HMGCL: variants seen among roughly 807,000 people sequenced by gnomAD.
HMGCL encodes the protein 3-hydroxy-3-methylglutaryl-CoA lyase.
HMGCL carries 26 observed loss-of-function variants against 37.3 expected under a neutral mutation model. That is an observed-to-expected ratio of 0.70 (90% CI 0.51 to 0.97). The LOEUF (loss-of-function observed/expected upper bound fraction) is 0.97, where lower values mean the gene tolerates loss of function less well. HMGCL is among the 50% of genes least tolerant of loss of function. The pLI, the probability that HMGCL is intolerant of heterozygous loss-of-function variation, is 0.00. For missense variants in HMGCL, 379 were observed against 398.1 expected (o/e 0.95, Z 0.41); for synonymous variants, 151 against 148.0 (o/e 1.02, Z -0.15).
chr1:23,804,390 G>T lies in HMGCL; in HGVS notation c.876+10C>A. On this transcript the variant is annotated intron_variant, in intron 8 of 8. Coordinates refer to ENST00000374490, the MANE Select transcript of HMGCL (RefSeq NM_000191.3). ...CGGGGCTGTCGCCACCAGGGGGTGG[G>T]TGGGCTTACCGTGTGAATGCCCAAG... The T allele has an allele frequency of 6.2e-7, 1 of 1,614,124 alleles. No individual in the cohort carries two copies. The highest frequency in any genetic ancestry group is 8.5e-7 in the Non-Finnish European group (1 of 1,180,028).
intron 6 of HMGCL, chr1:23,810,424 A>C (rs1255845589): frequency 5.0e-6 from 2 of 396,772 alleles, no homozygotes; most frequent in Non-Finnish European, 9.6e-6. Flanking sequence ...AATCACTACA[A>C]GGAACTATGG....
chr1:23,818,478 G>A (rs900982560), intron 2 of HMGCL, among the ~76,000 whole-genome samples: 2 of 151,986 alleles, frequency 1.3e-5, no homozygotes, highest in African/African-American at 4.8e-5. Context: ...AAATACTCCA[G>A]GTCCTTCTCG....
intron 1 of HMGCL, among the ~76,000 whole-genome samples, chr1:23,820,836 T>C (rs906115502): frequency 6.6e-6 from 1 of 152,348 alleles, no homozygotes; most frequent in South Asian, 2.1e-4. Context: ...CCAGACTCCT[T>C]TTCCACTGCC....
Position 23,806,710 on chromosome 1 carries a change from A to C in HMGCL, c.750+1425T>G, listed in dbSNP as rs1358818215. The C allele has an allele frequency of 2.9e-6, 1 of 349,950 alleles. No individual in the cohort carries two copies. Among genetic ancestry groups the C allele is most frequent in the Non-Finnish European group, 5.6e-6 (1 of 177,982 alleles). 21.7% of individuals were successfully genotyped at this position (349,950 alleles called of 1,614,324 possible). A position where few individuals can be genotyped will look rare whatever the true frequency, so the allele number is the denominator to read the frequency against. On this transcript the variant is annotated intron_variant, in intron 7 of 8. Coordinates refer to ENST00000374490, the MANE Select transcript of HMGCL (RefSeq NM_000191.3). This position sits in a 1 kb window ranked among gnomAD's most constrained non-coding sequence, Gnocchi z 4.0. The stretch of plus-strand genomic sequence containing the variant: ...TATTTATTATCTGTCTCATAGTACT[A>C]GAGTGTCAGCCTCATGAGGGCAGAG...
rs74062788 is a variant in HMGCL, at chr1:23,806,411, G to C, written c.750+1724C>G. On this transcript the variant is annotated intron_variant, in intron 7 of 8. Transcript: ENST00000374490. This position sits in a 1 kb window ranked among gnomAD's most constrained non-coding sequence, Gnocchi z 4.0. ...TGACATCTCTGCCCCCCTCTCCTCA[G>C]TCACACTGCTCCCGCCACATGCCTC... Among the ~76,000 whole-genome samples, 409 of 152,190 alleles carry C rather than the reference G, an allele frequency of 2.7e-3. 3 individuals carry two copies. Among genetic ancestry groups the C allele is most frequent in the African/African-American group, 9.1e-3 (378 of 41,508 alleles).
intron 1 of HMGCL, among the ~76,000 whole-genome samples, chr1:23,821,642 G>T (rs1638723355): frequency 6.6e-6 from 1 of 151,998 alleles, no homozygotes; most frequent in Non-Finnish European, 1.5e-5. Context: ...CTGGGCAACA[G>T]AGCGAGACCC....
intron 1 of HMGCL, among the ~76,000 whole-genome samples, chr1:23,820,901 A>G (rs554101090): frequency 6.6e-6 from 1 of 152,264 alleles, no homozygotes; most frequent in Admixed American, 6.5e-5. Context: ...ACAGAACTCT[A>G]ATTTCTCCTA....
intron 5 of HMGCL, chr1:23,813,816 C>A (rs1374606436): frequency 2.2e-5 from 7 of 315,564 alleles, no homozygotes; most frequent in Non-Finnish European, 3.7e-5. Context: ...CAGGACTCAA[C>A]TGACCTCCAC....
intron 2 of HMGCL, among the ~76,000 whole-genome samples, chr1:23,819,359 T>C (rs978243471): frequency 1.3e-5 from 2 of 152,208 alleles, no homozygotes; most frequent in African/African-American, 4.8e-5. Context: ...TCACAGAAAG[T>C]GCTGGTCTAG....
At chr1:23,812,886 G>A (rs1046516835) in intron 5 of HMGCL, among the ~76,000 whole-genome samples, 1 of 151,932 alleles carries the variant, frequency 6.6e-6, no homozygotes, top group African/African-American at 2.4e-5. Context: ...ACTTTTGTGG[G>A]GTTTTTTTGG....
intron 7 of HMGCL, among the ~76,000 whole-genome samples, chr1:23,805,947 C>CTT (rs34801023): frequency 6.8e-6 from 1 of 146,184 alleles, no homozygotes; most frequent in African/African-American, 2.5e-5. Context: ...AGAGGAGCCT[C>CTT]TTTTTTTTTT....
intron 7 of HMGCL, 106 bp from the exon 8 acceptor site, chr1:23,804,631 AT>A: frequency 8.0e-7 from 1 of 1,251,228 alleles, no homozygotes; most frequent in Middle Eastern, 1.9e-4. Context: ...TTCTAGAGTC[AT>A]TCTTTGCTTT....
chr1:23,809,958 G>C (rs1638489272), intron 6 of HMGCL: 1 of 153,198 alleles, frequency 6.5e-6, no homozygotes, highest in South Asian at 2.0e-4. Flanking sequence ...TAAAGTCCTA[G>C]TTCTGCTGTT....
chr1:23,810,330 G>A (rs1249526321), intron 6 of HMGCL: 1 of 250,716 alleles, frequency 4.0e-6, no homozygotes, highest in Non-Finnish European at 8.0e-6. Context: ...AAGTTCTTGG[G>A]CTGGTCAAAC....
chr1:23,814,167 G>A, intron 5 of HMGCL, 23 bp downstream of exon 5: 1 of 1,612,444 alleles, frequency 6.2e-7, no homozygotes, highest in Non-Finnish European at 8.5e-7. Context: ...CAGAGGAAAG[G>A]ATACCAATGT....
intron 7 of HMGCL, chr1:23,807,408 G>C: frequency 2.9e-6 from 1 of 350,778 alleles, no homozygotes. Flanking sequence ...GGATAATTGA[G>C]AGGAAAAAAA....
chr1:23,808,320 T>G lies in HMGCL; in HGVS notation c.565A>C (p.Thr189Pro), dbSNP rs1221071615. 6.2e-7 allele frequency: 1 copy of G among 1,613,842 alleles called. No homozygotes were observed. The highest frequency in any genetic ancestry group is 1.7e-5 in the Admixed American group (1 of 60,020). ...KISPAKVAEV[T>P]KKFYSMGCYE... ...CAGCCCATTGAGTAGAACTTCTTGGTGACCTAAGGAAGCAAGCAGGCACTT... is the reference window on the plus strand; with the variant it reads ...CAGCCCATTGAGTAGAACTTCTTGGGGACCTAAGGAAGCAAGCAGGCACTT... Residue 189 changes from threonine to proline, a missense_variant, in exon 7 of 9, where the codon ACC becomes CCC. Transcript: ENST00000374490.
intron 4 of HMGCL, among the ~76,000 whole-genome samples, chr1:23,815,123 C>G (rs1489474386): frequency 1.3e-5 from 2 of 152,062 alleles, no homozygotes; most frequent in African/African-American, 4.8e-5. Flanking sequence ...GGGAGAATCA[C>G]TTGAACCTGG....
At chr1:23,824,729 CTA>C (rs1446966979) in intron 1 of HMGCL, among the ~76,000 whole-genome samples, 2 of 152,200 alleles carry the variant, frequency 1.3e-5, no homozygotes, top group Non-Finnish European at 2.9e-5. Flanking sequence ...AAGTAAATAA[CTA>C]TGTCATTAAG....
Sources: gnomAD v4.1 joint callset for allele counts (sites outside exome capture counted in the v4.1 genomes callset) on GRCh38, gnomAD v4.1.1 for gene constraint, Gnocchi (gnomAD v3.1) non-coding constraint, MANE v1.5 for transcripts, NCBI Gene and HGNC (gene_info 2026-07-23, HGNC 2026-07-21) for gene names.